Variants in CRTC1 observed in about 807,000 individuals in gnomAD.
CRTC1 encodes CREB regulated transcription coactivator 1, also known as CREB-regulated transcription coactivator 1.
Under a neutral mutation model 66.1 loss-of-function variants are expected in CRTC1, and 18 were observed. The observed-to-expected ratio is 0.27, with a 90% confidence interval of 0.19 to 0.40. CRTC1 has a LOEUF of 0.40. Ranked by LOEUF, CRTC1 falls within the 10% of genes least tolerant of loss-of-function variation. The pLI is 1.00. For missense variants in CRTC1, 669 were observed against 887.9 expected, an observed-to-expected ratio of 0.75 and a Z score of 3.13; for synonymous variants, 416 against 398.8, an observed-to-expected ratio of 1.04 and a Z score of -0.51.
intron 1 of CRTC1, among the ~76,000 whole-genome samples, chr19:18,696,260 CG>C (rs1486142270): frequency 6.6e-6 from 1 of 152,016 alleles, no homozygotes; most frequent in Non-Finnish European, 1.5e-5. Flanking sequence ...TGAGGCAGGG[CG>C]GTTCAGGCTG....
At chr19:18,716,503 G>A (rs1211141634) in intron 1 of CRTC1, among the ~76,000 whole-genome samples, 1 of 152,124 alleles carries the variant, frequency 6.6e-6, no homozygotes, top group Non-Finnish European at 1.5e-5. Flanking sequence ...ACCCACCTTG[G>A]CCTCCCAAAG....
chr19:18,684,862 C>G (rs1387385901), intron 1 of CRTC1, among the ~76,000 whole-genome samples: 1 of 135,408 alleles, frequency 7.4e-6, no homozygotes, highest in Non-Finnish European at 1.5e-5. Context: ...GGCAAGGCAC[C>G]CGAGTTCCTC....
intron 1 of CRTC1, among the ~76,000 whole-genome samples, chr19:18,707,168 G>A (rs1297548159): frequency 6.6e-6 from 1 of 152,068 alleles, no homozygotes; most frequent in South Asian, 2.1e-4. Context: ...TATAGTTTTA[G>A]TATATATAGT....
rs118033813 is a variant in CRTC1, at chr19:18,689,415, C to T, written c.126+5587C>T. On this transcript the variant is annotated intron_variant, in intron 1 of 13. Coordinates refer to ENST00000321949, the MANE Select transcript of CRTC1 (RefSeq NM_015321.3). ...ACTTGGATCAGTGCTTCATTTCTTTCTTTCTTTTCTTTTTCTTTCTTTTTT... is the reference window on the plus strand; with the variant it reads ...ACTTGGATCAGTGCTTCATTTCTTTTTTTCTTTTCTTTTTCTTTCTTTTTT... Among the ~76,000 whole-genome samples, 9 of 138,486 alleles carry T rather than the reference C, an allele frequency of 6.5e-5. No individual in the cohort carries two copies. The East Asian group carries it at 1.9e-3, about 30-fold the overall frequency. The allele number at this position is 138,486 out of a possible 152,430, so 90.9% of individuals were successfully genotyped here.
chr19:18,749,705 G>C, intron 4 of CRTC1, 76 bp from the exon 5 acceptor site: 1 of 1,236,940 alleles, frequency 8.1e-7, no homozygotes, highest in Admixed American at 1.7e-5. Flanking sequence ...CATCCAGCGT[G>C]TCCCAGCTGG....
chr19:18,694,624 G>A (rs896360015), intron 1 of CRTC1, among the ~76,000 whole-genome samples: 2 of 152,008 alleles, frequency 1.3e-5, no homozygotes, highest in Admixed American at 6.6e-5. Context: ...GTAGAGACAG[G>A]GTCTTCTCCC....
chr19:18,744,488 AC>A (rs2054185608), intron 2 of CRTC1, among the ~76,000 whole-genome samples: 11 of 140,446 alleles, frequency 7.8e-5, no homozygotes, highest in Non-Finnish European at 1.4e-4. Flanking sequence ...ACACACACAC[AC>A]AAACACACAC....
At chr19:18,702,898 A>G (rs750693969) in intron 1 of CRTC1, among the ~76,000 whole-genome samples, 11 of 152,046 alleles carry the variant, frequency 7.2e-5, no homozygotes, top group Non-Finnish European at 1.5e-4. Context: ...CACATTGTGA[A>G]CATCACACGT....
At chr19:18,745,190 G>A (rs920069692) in intron 2 of CRTC1, among the ~76,000 whole-genome samples, 4 of 152,206 alleles carry the variant, frequency 2.6e-5, no homozygotes, top group Non-Finnish European at 4.4e-5. Context: ...GCCAAGCAGT[G>A]GGCCATGGCT....
Position 18,768,731 on chromosome 19 carries a change from T to C in CRTC1, c.1258T>C (p.Ser420Pro). 6.3e-7 allele frequency: 1 copy of C among 1,598,298 alleles called. No individual in the cohort carries two copies. The part of the protein sequence containing the change: ...PPPLAVTVPS[S>P]LPQSPPENPG... ...CCCGCTTGCAGTCACGGTACCGTCC[T>C]CTCTCCCCCAGTCCCCCCCAGAGAA... Residue 420 changes from serine (S) to proline (P), a missense_variant, in exon 10 of 14, where the codon TCT (serine) becomes CCT (proline). Physicochemically the swap from Ser to Pro is moderately conservative, Grantham distance 74. Transcript: ENST00000321949. The surrounding 1 kb of genome is among the most constrained non-coding windows in gnomAD (Gnocchi z 5.6).
Position 18,765,437 on chromosome 19 carries a change from G to A in CRTC1, c.920G>A (p.Arg307His), listed in dbSNP as rs541331056. The A allele has an allele frequency of 7.4e-6, 12 of 1,612,786 alleles. No homozygotes were observed. Among genetic ancestry groups the A allele is most frequent in the East Asian group, 4.5e-5 (2 of 44,870 alleles). ...ACACCTGGCTCCTCTCCACAGCACCGCCCAGCTGGCGTCAGCCCCCTGTCC... is the reference window on the plus strand; with the variant it reads ...ACACCTGGCTCCTCTCCACAGCACCACCCAGCTGGCGTCAGCCCCCTGTCC... ...MSTPGSSPQH[R>H]PAGVSPLSLS... is the part of the protein sequence containing the mutation. The change falls in exon 9 of 14, where the codon CGC (arginine) becomes CAC (histidine). Residue 307 changes from arginine (R) to histidine (H), a missense_variant. Coordinates refer to ENST00000321949, the MANE Select transcript of CRTC1 (RefSeq NM_015321.3).
intron 2 of CRTC1, among the ~76,000 whole-genome samples, chr19:18,744,352 G>A (rs570357542): frequency 4.5e-4 from 69 of 152,268 alleles, no homozygotes; most frequent in African/African-American, 1.5e-3. Flanking sequence ...GTATGGTCGC[G>A]TCGAGAGGCC....
intron 1 of CRTC1, among the ~76,000 whole-genome samples, chr19:18,695,655 GGAGATC>G (rs1197526549): frequency 6.6e-6 from 1 of 152,104 alleles, no homozygotes; most frequent in Non-Finnish European, 1.5e-5. Flanking sequence ...CACGAGGTCA[GGAGATC>G]GAGACCATCC....
intron 1 of CRTC1, among the ~76,000 whole-genome samples, chr19:18,735,182 A>C (rs2053971109): frequency 1.3e-5 from 2 of 152,194 alleles, no homozygotes; most frequent in Admixed American, 1.3e-4. Context: ...GCTTTGCTGC[A>C]GCCTCCGACA....
intron 6 of CRTC1, among the ~76,000 whole-genome samples, chr19:18,755,929 G>A (rs556741149): frequency 4.3e-4 from 66 of 152,124 alleles, no homozygotes; most frequent in African/African-American, 1.5e-3. Context: ...TAAAGACGGG[G>A]GTCTCACTAT....
At chr19:18,773,004 C>G (rs530317558) in intron 11 of CRTC1, among the ~76,000 whole-genome samples, 2 of 152,262 alleles carry the variant, frequency 1.3e-5, no homozygotes, top group South Asian at 4.2e-4. Flanking sequence ...GCCAGTTTCT[C>G]TCAGGAGAGA....
Position 18,779,298 on chromosome 19 carries a change from G to A in CRTC1, c.*1916G>A, listed in dbSNP as rs891740718. On this transcript the variant is annotated 3_prime_UTR_variant, in exon 14 of 14. Coordinates refer to ENST00000321949, the MANE Select transcript of CRTC1 (RefSeq NM_015321.3). ...CTTTGCCCGGCAATGCCTTTGGCATGTGTCTGAGCAGCCAAGTGGCCACTC... is the reference window on the plus strand; with the variant it reads ...CTTTGCCCGGCAATGCCTTTGGCATATGTCTGAGCAGCCAAGTGGCCACTC... The A allele has an allele frequency of 2.2e-5, 5 of 227,226 alleles. No individual in the cohort carries two copies. Among genetic ancestry groups the A allele is most frequent in the African/African-American group, 6.7e-5 (3 of 44,944 alleles). 14.1% of individuals were successfully genotyped at this position (227,226 alleles called of 1,614,324 possible). A position where few individuals can be genotyped will look rare whatever the true frequency, so the allele number is the denominator to read the frequency against.
intron 1 of CRTC1, among the ~76,000 whole-genome samples, chr19:18,719,669 C>G (rs2053579277): frequency 6.6e-6 from 1 of 152,202 alleles, no homozygotes; most frequent in Admixed American, 6.5e-5. Flanking sequence ...TGTCAGCAGG[C>G]AGATGCCGTT....
Position 18,753,558 on chromosome 19 carries a change from T to A in CRTC1, c.597T>A (p.Leu199=). 1 of 1,612,944 alleles carries A rather than the reference T, an allele frequency of 6.2e-7. No homozygotes were observed. Among genetic ancestry groups the A allele is most frequent in the Non-Finnish European group, 8.5e-7 (1 of 1,179,400 alleles). Residue 199 remains leucine, a synonymous_variant, in exon 6 of 14, where the codon CTT becomes CTA. Coordinates refer to ENST00000321949, the MANE Select transcript of CRTC1 (RefSeq NM_015321.3). ...EETTSEADKN[L]SKQAWDTKKT... is the part of the protein sequence containing the mutation. ...CCACATCAGAGGCAGACAAAAACCT[T>A]TCCAAGCAAGCATGGGACACCAAGA...
Sources: gnomAD v4.1 joint callset for allele counts (sites outside exome capture counted in the v4.1 genomes callset) on GRCh38, gnomAD v4.1.1 for gene constraint, Gnocchi (gnomAD v3.1) non-coding constraint, MANE v1.5 for transcripts, NCBI Gene and HGNC (gene_info 2026-07-23, HGNC 2026-07-21) for gene names.